Variants in CDKAL1 observed in about 807,000 individuals in gnomAD.
The protein encoded by CDKAL1 is threonylcarbamoyladenosine tRNA methylthiotransferase.
Under a neutral mutation model 68.2 loss-of-function variants are expected in CDKAL1, and 32 were observed. The observed-to-expected ratio is 0.47, with a 90% CI of 0.35 to 0.63. CDKAL1 has a LOEUF of 0.63. CDKAL1 is among the 30% of genes least tolerant of loss of function. The probability of loss-of-function intolerance (pLI) is 0.00; values close to 1 mark genes in which losing one functional copy is unlikely to be tolerated. For missense variants in CDKAL1, 606 were observed against 696.7 expected (o/e 0.87, Z 1.47); for synonymous variants, 234 against 244.3 (o/e 0.96, Z 0.39).
chr6:20,949,873 C>G (rs1035976343), intron 9 of CDKAL1, among the ~76,000 whole-genome samples: 1 of 151,864 alleles, frequency 6.6e-6, no homozygotes, highest in African/African-American at 2.4e-5. Flanking sequence ...TACTGCATCC[C>G]CCACCTCCCA....
chr6:21,057,589 C>T lies in CDKAL1; in HGVS notation c.1056-7459C>T, dbSNP rs139489868. Among the ~76,000 whole-genome samples, 1,389 of 151,824 alleles carry T rather than the reference C, an allele frequency of 9.1e-3. 14 individuals are homozygous for T. Among genetic ancestry groups the T allele is most frequent in the Middle Eastern group, 0.024 (7 of 288 alleles). On this transcript the variant is annotated intron_variant, in intron 11 of 15. Transcript: ENST00000274695. ...TTGGGGTTTGTTTGCTCTTGGTTCT[C>T]TAGTTTTTTTAGTTGTGATGTTAAG...
chr6:20,788,336 T>C (rs1474183445), intron 8 of CDKAL1, among the ~76,000 whole-genome samples: 1 of 152,254 alleles, frequency 6.6e-6, no homozygotes, highest in Non-Finnish European at 1.5e-5. Flanking sequence ...ATGGCTCTCA[T>C]GAAACTTAAA....
At chr6:20,540,517 G>A (rs1763350013) in intron 2 of CDKAL1, among the ~76,000 whole-genome samples, 1 of 151,410 alleles carries the variant, frequency 6.6e-6, no homozygotes, top group Non-Finnish European at 1.5e-5. Flanking sequence ...GTGCAGTGGT[G>A]CAATCTCAGC....
intron 13 of CDKAL1, among the ~76,000 whole-genome samples, chr6:21,160,727 T>C (rs1349784257): frequency 6.7e-6 from 1 of 148,844 alleles, no homozygotes; most frequent in Non-Finnish European, 1.5e-5. Flanking sequence ...TAACTTTAAT[T>C]TCTGGTATAC....
Position 21,091,339 on chromosome 6 carries a change from T to G in CDKAL1, c.1237-17062T>G, listed in dbSNP as rs573037446. Among the ~76,000 whole-genome samples, 227 of 152,216 alleles carry G rather than the reference T, an allele frequency of 1.5e-3. 3 individuals carry two copies. The highest frequency in any genetic ancestry group is 0.014 in the Admixed American group (213 of 15,302). ...AGAAACCTAAATGCCAACCTAGCAG[T>G]GGGGAAAAACCAAAACCCAAGTTAT... On this transcript the variant is annotated intron_variant, in intron 12 of 15. Coordinates refer to ENST00000274695, the MANE Select transcript of CDKAL1 (RefSeq NM_017774.3).
intron 13 of CDKAL1, among the ~76,000 whole-genome samples, chr6:21,182,203 T>C (rs550511366): frequency 3.3e-5 from 5 of 152,362 alleles, no homozygotes; most frequent in Non-Finnish European, 5.9e-5. Context: ...ACAGCTATTC[T>C]AAGGCCTTCA....
intron 5 of CDKAL1, among the ~76,000 whole-genome samples, chr6:20,739,109 A>G (rs1324856431): frequency 2.6e-5 from 4 of 152,084 alleles, no homozygotes; most frequent in Admixed American, 2.0e-4. Context: ...TTACTTTTAT[A>G]TTGGTCAAAA....
intron 15 of CDKAL1, among the ~76,000 whole-genome samples, chr6:21,212,587 G>A (rs190343187): frequency 1.3e-5 from 2 of 152,208 alleles, no homozygotes; most frequent in East Asian, 1.9e-4. Context: ...GAGTGTGGAT[G>A]TTGCATTGTA....
intron 13 of CDKAL1, among the ~76,000 whole-genome samples, chr6:21,162,951 A>G (rs1474491467): frequency 6.6e-6 from 1 of 152,074 alleles, no homozygotes; most frequent in Non-Finnish European, 1.5e-5. Context: ...TGGAAGAAAG[A>G]AAGGAAGGAA....
At chr6:20,625,951 T>TG (rs1767412595) in intron 4 of CDKAL1, among the ~76,000 whole-genome samples, 2 of 152,276 alleles carry the variant, frequency 1.3e-5, no homozygotes, top group Admixed American at 1.3e-4. Flanking sequence ...TTTCTTGTGA[T>TG]CCCCCCATCC....
chr6:20,745,700 A>G (rs1773637083), intron 6 of CDKAL1, among the ~76,000 whole-genome samples: 1 of 152,168 alleles, frequency 6.6e-6, no homozygotes, highest in Non-Finnish European at 1.5e-5. Context: ...TTCTCGGCTA[A>G]TACTAACAAT....
intron 10 of CDKAL1, among the ~76,000 whole-genome samples, chr6:20,991,096 G>C (rs896508207): frequency 2.6e-5 from 4 of 152,226 alleles, no homozygotes; most frequent in Non-Finnish European, 4.4e-5. Context: ...ATTGAGAGTA[G>C]AGCTATCAAC....
chr6:21,084,037 A>G (rs1225159075), intron 12 of CDKAL1, among the ~76,000 whole-genome samples: 1 of 152,124 alleles, frequency 6.6e-6, no homozygotes, highest in East Asian at 1.9e-4. Flanking sequence ...CTACGTAGTT[A>G]TCTGTTTTTG....
chr6:20,730,715 C>T (rs1772880225), intron 5 of CDKAL1, among the ~76,000 whole-genome samples: 1 of 151,282 alleles, frequency 6.6e-6, no homozygotes, highest in Non-Finnish European at 1.5e-5. Context: ...TGTGGTGGCA[C>T]GTGCCTGTAA....
intron 9 of CDKAL1, among the ~76,000 whole-genome samples, chr6:20,931,338 A>T (rs1414164591): frequency 6.6e-6 from 1 of 152,202 alleles, no homozygotes; most frequent in Non-Finnish European, 1.5e-5. Flanking sequence ...CTACTGGTAA[A>T]TTTGCTGTCA....
chr6:21,037,637 A>C (rs955063072), intron 11 of CDKAL1, among the ~76,000 whole-genome samples: 3 of 152,128 alleles, frequency 2.0e-5, no homozygotes, highest in Non-Finnish European at 2.9e-5. Flanking sequence ...GGCTAGTGCA[A>C]TTGAGGAACT....
At chr6:21,141,792 G>C (rs1296632502) in intron 13 of CDKAL1, among the ~76,000 whole-genome samples, 1 of 152,150 alleles carries the variant, frequency 6.6e-6, no homozygotes, top group Non-Finnish European at 1.5e-5. Flanking sequence ...TGTAGTAGGA[G>C]GGACCCAGCC....
At chr6:21,107,471 A>C (rs1277962630) in intron 12 of CDKAL1, among the ~76,000 whole-genome samples, 2 of 151,570 alleles carry the variant, frequency 1.3e-5, no homozygotes, top group South Asian at 2.1e-4. Flanking sequence ...TCTGTTGCCC[A>C]GGCTGGAGTG....
At position 20,696,425 on chromosome 6, in the gene CDKAL1, T is replaced by C. The variant is rs113225952; in HGVS notation, c.372-43094T>C. On this transcript the variant is annotated intron_variant, in intron 5 of 15. Coordinates refer to ENST00000274695, the MANE Select transcript of CDKAL1 (RefSeq NM_017774.3). The stretch of plus-strand genomic sequence containing the variant: ...ACCTGAAAATATTTAGTGAAGGAAA[T>C]GAAATCCATTCTTTAGAAAAAAATT... Among the ~76,000 whole-genome samples the C allele has an allele frequency of 2.2e-3, 331 of 152,286 alleles. 1 individual carries two copies. Among genetic ancestry groups the C allele is most frequent in the Middle Eastern group, 0.01 (3 of 294 alleles).
Sources: allele counts gnomAD v4.1 joint callset (sites outside exome capture counted in the v4.1 genomes callset), GRCh38; gene constraint gnomAD v4.1.1; transcripts MANE v1.5; gene names NCBI Gene and HGNC (gene_info 2026-07-23, HGNC 2026-07-21).